Variants in PIKFYVE observed in about 807,000 individuals in gnomAD.
PIKFYVE encodes 1-phosphatidylinositol 3-phosphate 5-kinase.
Under a neutral mutation model 257.9 loss-of-function variants are expected in PIKFYVE, and 122 were observed. The ratio of observed to expected loss-of-function variants is 0.47; its 90% confidence interval spans 0.41 to 0.55. PIKFYVE has a LOEUF of 0.55. Ranked by LOEUF, PIKFYVE falls within the 20% of genes least tolerant of loss-of-function variation. PIKFYVE has a pLI of 0.00. For synonymous variants in PIKFYVE, 892 were observed against 868.9 expected, an observed-to-expected ratio of 1.03 and a Z score of -0.47; for missense variants, 2,160 against 2,536.6, an observed-to-expected ratio of 0.85 and a Z score of 3.19.
intron 31 of PIKFYVE, among the ~76,000 whole-genome samples, chr2:208,342,178 G>A (rs998363390): frequency 6.6e-6 from 1 of 152,190 alleles, no homozygotes; most frequent in African/African-American, 2.4e-5. Flanking sequence ...TAATAGTAAA[G>A]TGGTTGTGTT....
At chr2:208,336,783 C>G in intron 27 of PIKFYVE, 55 bp from the exon 28 acceptor site, 1 of 1,227,124 alleles carries the variant, frequency 8.1e-7, no homozygotes, top group Non-Finnish European at 1.2e-6. Context: ...ATAAACAGCA[C>G]TCAAGGGGCT....
chr2:208,315,211 C>T lies in PIKFYVE; in HGVS notation c.1845C>T (p.His615=). ...TTTGTAGTTCAGCTAATCATAACCA[C>T]ATGATGGCACTACTCCAGCAGTTGC... The part of the protein sequence containing the change: ...MERLLSANHN[H]MMALLQQLLH... The change falls in exon 15 of 42, where the codon CAC becomes CAT. Residue 615 remains histidine, a synonymous_variant. Transcript: ENST00000264380. 6.2e-7 allele frequency: 1 copy of T among 1,613,870 alleles called. No individual in the cohort carries two copies. Among genetic ancestry groups the T allele is most frequent in the Non-Finnish European group, 8.5e-7 (1 of 1,179,788 alleles).
At chr2:208,315,455 A>G (rs1182161823) in intron 15 of PIKFYVE, 82 bp downstream of exon 15, 2 of 1,517,858 alleles carry the variant, frequency 1.3e-6, no homozygotes, top group Non-Finnish European at 1.8e-6. Flanking sequence ...GGTAATCTGA[A>G]AAGAGTCATT....
At chr2:208,348,938 G>A (rs1397472824) in intron 35 of PIKFYVE, among the ~76,000 whole-genome samples, 3 of 152,010 alleles carry the variant, frequency 2.0e-5, no homozygotes, top group Non-Finnish European at 4.4e-5. Context: ...TGAGGCGGGC[G>A]GATCACTTGA....
chr2:208,308,399 T>TAAA (rs59329195), intron 12 of PIKFYVE, among the ~76,000 whole-genome samples: 2 of 145,632 alleles, frequency 1.4e-5, no homozygotes, highest in Non-Finnish European at 3.0e-5. Context: ...AGACTTTATC[T>TAAA]AAAAAAAAAA....
chr2:208,318,102 C>T (rs1347196193), intron 16 of PIKFYVE, among the ~76,000 whole-genome samples, 161 bp downstream of exon 16: 1 of 152,112 alleles, frequency 6.6e-6, no homozygotes, highest in Non-Finnish European at 1.5e-5. Context: ...GAAGATTTCC[C>T]AGAGCTGAGG....
intron 33 of PIKFYVE, among the ~76,000 whole-genome samples, chr2:208,345,532 A>G (rs764699088): frequency 3.7e-4 from 57 of 152,136 alleles, no homozygotes; most frequent in Admixed American, 2.0e-4. Flanking sequence ...AATTCAAAGT[A>G]TCTGTGAATT....
intron 12 of PIKFYVE, among the ~76,000 whole-genome samples, chr2:208,311,450 G>C (rs571839069): frequency 6.6e-6 from 1 of 152,048 alleles, no homozygotes; most frequent in Non-Finnish European, 1.5e-5. Context: ...AGAAAATTTT[G>C]TGGAGATCCT....
Position 208,301,070 on chromosome 2 carries a change from T to C in PIKFYVE, c.1184T>C (p.Ile395Thr). The C allele has an allele frequency of 6.2e-7, 1 of 1,614,166 alleles. No homozygotes were observed. Among genetic ancestry groups the C allele is most frequent in the Non-Finnish European group, 8.5e-7 (1 of 1,179,998 alleles). The change falls in exon 9 of 42, where the codon ATC becomes ACC. Residue 395 changes from isoleucine to threonine, a missense_variant. Physicochemically the swap from Ile to Thr is moderately conservative, Grantham distance 89 (BLOSUM62 -1). This residue lies in a region of PIKFYVE where 90 missense variants were observed against 110.6 expected (regional missense o/e 0.81). Coordinates refer to ENST00000264380, the MANE Select transcript of PIKFYVE (RefSeq NM_015040.4). Reference protein sequence around the residue: ...IVGKELVNWLIRNGHIATRAQ... With the variant: ...IVGKELVNWLTRNGHIATRAQ... ...GGAAAGGAATTAGTCAACTGGCTAA[T>C]CCGAAATGGGCATATTGCCACAAGG...
chr2:208,314,634 C>T (rs537982040), intron 14 of PIKFYVE, among the ~76,000 whole-genome samples: 1 of 152,184 alleles, frequency 6.6e-6, no homozygotes, highest in Admixed American at 6.5e-5. Flanking sequence ...TGCAGTGGCT[C>T]ACGCCTGTAA....
chr2:208,324,653 A>C (rs1252314357), intron 18 of PIKFYVE, among the ~76,000 whole-genome samples: 1 of 152,152 alleles, frequency 6.6e-6, no homozygotes, highest in Non-Finnish European at 1.5e-5. Context: ...TTTTCTCCCC[A>C]CATTATCTTG....
rs1222486533 is a variant in PIKFYVE at position 208,325,552 on chromosome 2, A to G, written c.2741A>G (p.Asp914Gly). 1 of 1,614,062 alleles carries G rather than the reference A, an allele frequency of 6.2e-7. No homozygotes were observed. The highest frequency in any genetic ancestry group is 8.5e-7 in the Non-Finnish European group (1 of 1,179,978). Reference protein sequence around the residue: ...EQYGGGSIPWDPDIPPESLPC... With the variant: ...EQYGGGSIPWGPDIPPESLPC... ...TACGGTGGAGGTTCCATCCCCTGGG[A>G]TCCTGACATCCCTCCTGAGTCTCTG... The change falls in exon 20 of 42, where the codon GAT (aspartate) becomes GGT (glycine). Residue 914 changes from aspartate (D) to glycine (G), a missense_variant. Asp to Gly is a moderately conservative substitution (Grantham distance 94). This residue lies in a region of PIKFYVE where 522 missense variants were observed against 514.6 expected (regional missense o/e 1.01). Transcript: ENST00000264380.
rs186899876 is a variant in PIKFYVE at position 208,293,547 on chromosome 2, G to A, written c.911+4729G>A. Among the ~76,000 whole-genome samples the A allele has an allele frequency of 1.3e-3, 205 of 152,110 alleles. 1 individual carries two copies. The highest frequency in any genetic ancestry group is 2.0e-3 in the Non-Finnish European group (139 of 67,996). On this transcript the variant is annotated intron_variant, in intron 7 of 41. Transcript: ENST00000264380. Reference sequence around the variant, plus strand: ...CTTCACTTTTGAAGGGTATCATCAGGGTACAGAATTGTAGGTTGATGGCTT... The same window carrying A: ...CTTCACTTTTGAAGGGTATCATCAGAGTACAGAATTGTAGGTTGATGGCTT...
At position 208,348,022 on chromosome 2, in the gene PIKFYVE, A is replaced by G; in HGVS notation, c.5373A>G (p.Gln1791=). ...CCGAGAATCAAGGCGTTGAGCCTCA[A>G]GGTGTGTTAAAGAAGAGTAAATGTG... ...EGTENQGVEP[Q]DEVDGGDTQK... The change falls in exon 35 of 42, where the codon CAA becomes CAG. Residue 1791 remains glutamine, a splice_region_variant and synonymous_variant. Transcript: ENST00000264380. 1.2e-6 allele frequency: 2 copies of G among 1,614,040 alleles called. No homozygotes were observed. The highest frequency in any genetic ancestry group is 8.5e-7 in the Non-Finnish European group (1 of 1,179,926).
At position 208,324,256 on chromosome 2, in the gene PIKFYVE, A is replaced by C; in HGVS notation, c.2305A>C (p.Ile769Leu). The change falls in exon 18 of 42, where the codon ATT becomes CTT. Residue 769 changes from isoleucine (I) to leucine (L), a missense_variant. Around this residue, in one of 12 missense-constraint regions of PIKFYVE, gnomAD observed 346 missense variants for 365.6 expected, o/e 0.95. Transcript: ENST00000264380. ...IAQDMLLEHG[I>L]TLVINVKSQV... Reference sequence around the variant, plus strand: ...CCAGGACATGTTATTGGAACATGGCATTACTTTGGTCATTAATGTAAAGTC... The same window carrying C: ...CCAGGACATGTTATTGGAACATGGCCTTACTTTGGTCATTAATGTAAAGTC... 6.2e-7 allele frequency: 1 copy of C among 1,614,002 alleles called. No homozygotes were observed. The highest frequency in any genetic ancestry group is 8.5e-7 in the Non-Finnish European group (1 of 1,179,896).
intron 40 of PIKFYVE, 88 bp from the exon 41 acceptor site, chr2:208,354,483 G>T: frequency 8.4e-7 from 1 of 1,189,912 alleles, no homozygotes; most frequent in South Asian, 1.2e-5. Flanking sequence ...AACTGTCATA[G>T]AAGTAGTAGT....
At chr2:208,279,823 AAT>A (rs1690577469) in intron 5 of PIKFYVE, among the ~76,000 whole-genome samples, 1 of 152,160 alleles carries the variant, frequency 6.6e-6, no homozygotes, top group Non-Finnish European at 1.5e-5. Context: ...TGAAACTACC[AAT>A]GTCGTTTTTC....
At position 208,299,117 on chromosome 2, in the gene PIKFYVE, G is replaced by T. The variant is rs552787338; in HGVS notation, c.1050+338G>T. The stretch of plus-strand genomic sequence containing the variant: ...GGCTCCCAGAGTGCTGGGATTACAG[G>T]TGTGAGCCACTGCACCCAGCCTGTC... On this transcript the variant is annotated intron_variant, in intron 8 of 41. Transcript: ENST00000264380. Among the ~76,000 whole-genome samples, 8 of 152,182 alleles carry T rather than the reference G, an allele frequency of 5.3e-5. No homozygotes were observed. In the East Asian group the frequency reaches 1.5e-3, roughly 29 times the overall value.
rs779039206 is a variant in PIKFYVE, at chr2:208,340,020, A to G, written c.4820A>G (p.Asp1607Gly). Residue 1607 changes from aspartate to glycine, a missense_variant, in exon 31 of 42, where the codon GAT becomes GGT. This residue lies in a region of PIKFYVE where 699 missense variants were observed against 855.8 expected (regional missense o/e 0.82). Coordinates refer to ENST00000264380, the MANE Select transcript of PIKFYVE (RefSeq NM_015040.4). The stretch of plus-strand genomic sequence containing the variant: ...CTATTTTTCATTTTAGATGTGTTTG[A>G]TGGGCATTTGCTGGGATCCACAGAC... ...DTASSSEDVF[D>G]GHLLGSTDSQ... is the part of the protein sequence containing the mutation. 1.2e-6 allele frequency: 2 copies of G among 1,613,394 alleles called. No homozygotes were observed. Among genetic ancestry groups the G allele is most frequent in the South Asian group, 2.2e-5 (2 of 91,076 alleles).
Sources: gnomAD v4.1 joint callset for allele counts (sites outside exome capture counted in the v4.1 genomes callset) on GRCh38, gnomAD v4.1.1 for gene constraint, gnomAD v4.1.1 regional missense constraint, MANE v1.5 for transcripts, NCBI Gene and HGNC (gene_info 2026-07-23, HGNC 2026-07-21) for gene names.